KPNA4: variants seen among roughly 807,000 people sequenced by gnomAD.
The protein encoded by KPNA4 is importin subunit alpha-3.
KPNA4 carries 13 observed loss-of-function variants against 71.3 expected under a neutral mutation model. The ratio of observed to expected loss-of-function variants is 0.18; its 90% CI spans 0.12 to 0.29. The LOEUF is 0.29. Ranked by LOEUF, KPNA4 falls within the 10% of genes least tolerant of loss-of-function variation. KPNA4 has a pLI of 1.00. For synonymous variants in KPNA4, 189 were observed against 195.2 expected, an observed-to-expected ratio of 0.97 and a Z score of 0.26; for missense variants, 334 against 603.2, an observed-to-expected ratio of 0.55 and a Z score of 4.67.
intron 11 of KPNA4, 22 bp from the exon 12 acceptor site, chr3:160,515,602 C>T (rs780200624): frequency 1.3e-6 from 2 of 1,599,998 alleles, no homozygotes; most frequent in Non-Finnish European, 1.7e-6. Flanking sequence ...AATGAGATGA[C>T]ATTCTATGTG....
chr3:160,558,791 G>A (rs1722190862), intron 1 of KPNA4, among the ~76,000 whole-genome samples: 1 of 152,146 alleles, frequency 6.6e-6, no homozygotes, highest in Admixed American at 6.5e-5. Context: ...TTGAATTGAT[G>A]CCATAGGGGT....
intron 1 of KPNA4, among the ~76,000 whole-genome samples, chr3:160,540,807 C>A (rs971706645): frequency 2.0e-5 from 3 of 152,156 alleles, no homozygotes; most frequent in Non-Finnish European, 4.4e-5. Context: ...TAAAGGACAG[C>A]GACTGTAAGT....
chr3:160,543,328 T>C (rs1275818051), intron 1 of KPNA4, among the ~76,000 whole-genome samples: 2 of 152,126 alleles, frequency 1.3e-5, no homozygotes, highest in African/African-American at 4.8e-5. Flanking sequence ...AGATCTTTTA[T>C]GCCTCAAAAA....
chr3:160,498,671 CATG>C lies in KPNA4; in HGVS notation c.*3430_*3432del. The C allele has an allele frequency of 6.6e-6, 1 of 152,184 alleles. No homozygotes were observed. Among genetic ancestry groups the C allele is most frequent in the Non-Finnish European group, 1.5e-5 (1 of 68,050 alleles). 9.4% of individuals were successfully genotyped at this position (152,184 alleles called of 1,614,324 possible). The stretch of plus-strand genomic sequence containing the variant: ...CTCTTGCTGGCCTTGAAGAAGTTCC[CATG>C]ATTTCTTCAGTTGCTAGGCAATGGA... On this transcript the variant is annotated 3_prime_UTR_variant, in exon 17 of 17. Coordinates refer to ENST00000334256, the MANE Select transcript of KPNA4 (RefSeq NM_002268.5).
intron 11 of KPNA4, among the ~76,000 whole-genome samples, chr3:160,518,184 G>A (rs1721267145): frequency 6.6e-6 from 1 of 150,454 alleles, no homozygotes; most frequent in South Asian, 2.1e-4. Context: ...CTGGAGTGCA[G>A]TGGCGCGATC....
chr3:160,531,441 A>T (rs748701699), intron 6 of KPNA4, 21 bp downstream of exon 6: 251 of 1,293,196 alleles, frequency 1.9e-4, no homozygotes, highest in Middle Eastern at 2.7e-4. Context: ...TTAAAAAAAA[A>T]AAAATAAATA....
rs143015499 is a variant in KPNA4, at chr3:160,552,075, T to C, written c.69+13139A>G. 1.6e-3 allele frequency among the ~76,000 whole-genome samples: 244 copies of C among 152,126 alleles called. 2 individuals are homozygous for C. The highest frequency in any genetic ancestry group is 5.7e-3 in the African/African-American group (236 of 41,506). On this transcript the variant is annotated intron_variant, in intron 1 of 16. Coordinates refer to ENST00000334256, the MANE Select transcript of KPNA4 (RefSeq NM_002268.5). Reference sequence around the variant, plus strand: ...CCCAAAACGTCAATAGTGCCAAGGATGAAAACCTTTGCTGTATTCTAATGA... The same window carrying C: ...CCCAAAACGTCAATAGTGCCAAGGACGAAAACCTTTGCTGTATTCTAATGA...
intron 1 of KPNA4, among the ~76,000 whole-genome samples, chr3:160,546,766 G>A (rs1577060861): frequency 6.6e-6 from 1 of 151,648 alleles, no homozygotes; most frequent in East Asian, 1.9e-4. Flanking sequence ...TCCCATCCCT[G>A]CACACTATTT....
intron 7 of KPNA4, among the ~76,000 whole-genome samples, chr3:160,529,951 C>G (rs112608925): frequency 6.7e-6 from 1 of 150,072 alleles, no homozygotes; most frequent in Non-Finnish European, 1.5e-5. Context: ...CTGGCTAACA[C>G]AGTGAAACCC....
rs544991259 is a variant in KPNA4 at position 160,552,540 on chromosome 3, G to A, written c.69+12674C>T. On this transcript the variant is annotated intron_variant, in intron 1 of 16. Coordinates refer to ENST00000334256, the MANE Select transcript of KPNA4 (RefSeq NM_002268.5). Reference sequence around the variant, plus strand: ...GTACAAAATAGGTAAGTTTCAGGGAGCTTATAGTCTGACGGGAGAAACTAA... The same window carrying A: ...GTACAAAATAGGTAAGTTTCAGGGAACTTATAGTCTGACGGGAGAAACTAA... Among the ~76,000 whole-genome samples, 3 of 152,288 alleles carry A rather than the reference G, an allele frequency of 2.0e-5. No homozygotes were observed. In the East Asian group the frequency reaches 5.8e-4, roughly 29 times the overall value.
chr3:160,533,816 T>G lies in KPNA4; in HGVS notation c.287+1697A>C, dbSNP rs182393217. Among the ~76,000 whole-genome samples, 360 of 152,342 alleles carry G rather than the reference T, an allele frequency of 2.4e-3. 1 individual carries two copies. The highest frequency in any genetic ancestry group is 6.8e-3 in the Middle Eastern group (2 of 294). On this transcript the variant is annotated intron_variant, in intron 5 of 16. Coordinates refer to ENST00000334256, the MANE Select transcript of KPNA4 (RefSeq NM_002268.5). ...ATGAAATTGTCTTGGAATCTCCCAG[T>G]GATCCACAGATCATACTTTGAAAAC...
At chr3:160,552,776 G>C (rs1722067315) in intron 1 of KPNA4, among the ~76,000 whole-genome samples, 1 of 152,130 alleles carries the variant, frequency 6.6e-6, no homozygotes, top group Admixed American at 6.6e-5. Flanking sequence ...ATGTGTGAAG[G>C]GGTGAAGAGG....
intron 1 of KPNA4, among the ~76,000 whole-genome samples, chr3:160,546,840 A>G (rs967772889): frequency 6.6e-6 from 1 of 152,194 alleles, no homozygotes; most frequent in African/African-American, 2.4e-5. Flanking sequence ...ATTGTGGTAT[A>G]GTACTGAACT....
At chr3:160,558,410 T>G (rs548046442) in intron 1 of KPNA4, among the ~76,000 whole-genome samples, 1 of 152,208 alleles carries the variant, frequency 6.6e-6, no homozygotes, top group Non-Finnish European at 1.5e-5. Context: ...TTGGCAGAAA[T>G]AGTAAGAGGT....
At chr3:160,535,478 G>A in intron 5 of KPNA4, 35 bp downstream of exon 5, 4 of 1,541,458 alleles carry the variant, frequency 2.6e-6, no homozygotes, top group Non-Finnish European at 2.7e-6. Context: ...TGTGTAAGTT[G>A]TAAAATCTAA....
At chr3:160,507,262 G>A (rs1721003109) in intron 15 of KPNA4, among the ~76,000 whole-genome samples, 1 of 152,116 alleles carries the variant, frequency 6.6e-6, no homozygotes, top group African/African-American at 2.4e-5. Context: ...ACTCTGGGAG[G>A]CCAAGGGGAG....
chr3:160,515,944 G>A (rs950543659), intron 11 of KPNA4, among the ~76,000 whole-genome samples: 31 of 151,934 alleles, frequency 2.0e-4, no homozygotes, highest in African/African-American at 7.2e-4. Flanking sequence ...GGCATGTTAG[G>A]TACCTTATAA....
Position 160,542,058 on chromosome 3 carries a change from C to T in KPNA4, c.70-5218G>A, listed in dbSNP as rs191806951. ...GAACGGCAATCCATTTAGAGAAAGG[C>T]ATTCCAGGTAGAAAATATAGCATGT... is the stretch of plus-strand genomic sequence containing the variant. On this transcript the variant is annotated intron_variant, in intron 1 of 16. Transcript: ENST00000334256. Among the ~76,000 whole-genome samples the T allele has an allele frequency of 2.6e-5, 4 of 152,270 alleles. 1 individual carries two copies. The highest frequency in any genetic ancestry group is 6.8e-3 in the Middle Eastern group (2 of 294).
intron 1 of KPNA4, among the ~76,000 whole-genome samples, chr3:160,543,842 G>T (rs188930977): frequency 6.6e-6 from 1 of 151,936 alleles, no homozygotes; most frequent in Non-Finnish European, 1.5e-5. Context: ...GATGCCAAAA[G>T]GACATGGGAA....
Sources: allele counts gnomAD v4.1 joint callset (sites outside exome capture counted in the v4.1 genomes callset), GRCh38; gene constraint gnomAD v4.1.1; transcripts MANE v1.5; gene names NCBI Gene and HGNC (gene_info 2026-07-23, HGNC 2026-07-21).